EFR3A: variants seen among roughly 807,000 people sequenced by gnomAD.
The protein encoded by EFR3A is protein EFR3 homolog A.
A neutral mutation model predicts 104.4 loss-of-function variants in EFR3A; 76 were observed. That is an observed-to-expected ratio of 0.73 (90% CI 0.60 to 0.88). The LOEUF (loss-of-function observed/expected upper bound fraction) is 0.88, where lower values mean the gene tolerates loss of function less well. EFR3A is among the 40% of genes least tolerant of loss of function. The pLI is 0.00. For synonymous variants in EFR3A, 330 were observed against 330.0 expected, an observed-to-expected ratio of 1.00 and a Z score of 0.00; for missense variants, 985 against 1,012.5, an observed-to-expected ratio of 0.97 and a Z score of 0.37.
chr8:131,938,113 CT>C (rs995776668), intron 1 of EFR3A: 29 of 392,004 alleles, frequency 7.4e-5, no homozygotes, highest in African/African-American at 6.0e-4. Flanking sequence ...AGTTACAGTA[CT>C]TCTGTGCCCT....
At chr8:131,958,838 A>G (rs1819158900) in intron 7 of EFR3A, among the ~76,000 whole-genome samples, 1 of 152,162 alleles carries the variant, frequency 6.6e-6, no homozygotes. Flanking sequence ...CCACTTATCA[A>G]GTGCTGGCTG....
At chr8:131,973,188 C>G (rs1363767586) in intron 10 of EFR3A, among the ~76,000 whole-genome samples, 1 of 151,504 alleles carries the variant, frequency 6.6e-6, no homozygotes, top group Non-Finnish European at 1.5e-5. Flanking sequence ...TCATAAACTC[C>G]AACATTACCA....
At chr8:131,907,126 C>A (rs1285500535) in intron 1 of EFR3A, among the ~76,000 whole-genome samples, 1 of 152,124 alleles carries the variant, frequency 6.6e-6, no homozygotes, top group Non-Finnish European at 1.5e-5. Flanking sequence ...AATAGTTTAG[C>A]CTTTTTTTCC....
chr8:131,928,152 T>C, intron 1 of EFR3A, among the ~76,000 whole-genome samples: 1 of 152,146 alleles, frequency 6.6e-6, no homozygotes, highest in African/African-American at 2.4e-5. Context: ...AATTGATTGG[T>C]TGACTAGTCA....
intron 18 of EFR3A, among the ~76,000 whole-genome samples, chr8:131,994,343 T>G (rs1009157190): frequency 6.6e-6 from 1 of 152,136 alleles, no homozygotes; most frequent in Non-Finnish European, 1.5e-5. Flanking sequence ...CCCTACTGTT[T>G]TGGGGGAACA....
At chr8:131,923,311 T>A (rs1302820253) in intron 1 of EFR3A, among the ~76,000 whole-genome samples, 1 of 152,170 alleles carries the variant, frequency 6.6e-6, no homozygotes, top group Non-Finnish European at 1.5e-5. Context: ...ATAAGTGATT[T>A]GAGTTTTTGT....
intron 10 of EFR3A, among the ~76,000 whole-genome samples, chr8:131,974,753 A>G (rs1006148405): frequency 2.6e-5 from 4 of 152,206 alleles, no homozygotes; most frequent in Admixed American, 6.5e-5. Flanking sequence ...TGTTAAGGTT[A>G]TGAGATTTTT....
At chr8:131,975,412 A>ATT (rs5895119) in intron 10 of EFR3A, among the ~76,000 whole-genome samples, 17,403 of 110,884 alleles carry the variant, frequency 0.16, 2,126 homozygotes, top group East Asian at 0.29. Context: ...TTTTTTTCCT[A>ATT]TTTTTTTTTT....
At chr8:131,998,329 A>G (rs182719729) in intron 19 of EFR3A, among the ~76,000 whole-genome samples, 1 of 152,204 alleles carries the variant, frequency 6.6e-6, no homozygotes, top group Admixed American at 6.5e-5. Flanking sequence ...CATTGCTCAT[A>G]AAAAATAACT....
chr8:131,999,606 T>C (rs761331319), intron 19 of EFR3A, among the ~76,000 whole-genome samples: 9 of 152,252 alleles, frequency 5.9e-5, no homozygotes, highest in Non-Finnish European at 1.0e-4. Flanking sequence ...GATTATAGTT[T>C]AGTAGCTCAC....
At chr8:131,993,074 G>A (rs1199287996) in intron 18 of EFR3A, among the ~76,000 whole-genome samples, 8 of 152,082 alleles carry the variant, frequency 5.3e-5, no homozygotes, top group Middle Eastern at 3.2e-3. Flanking sequence ...AGGCCTATTG[G>A]CATCTAGTGC....
intron 1 of EFR3A, among the ~76,000 whole-genome samples, chr8:131,922,975 TA>T (rs1817122037): frequency 6.6e-6 from 1 of 152,210 alleles, no homozygotes; most frequent in Admixed American, 6.5e-5. Flanking sequence ...TGCTTATTAC[TA>T]ATAACACTTT....
intron 8 of EFR3A, among the ~76,000 whole-genome samples, chr8:131,962,718 C>T (rs1016344185): frequency 1.3e-5 from 2 of 152,164 alleles, no homozygotes; most frequent in Non-Finnish European, 2.9e-5. Flanking sequence ...ACCAAGTGGA[C>T]CTAATAGACA....
chr8:131,995,119 A>T (rs1821408575), intron 18 of EFR3A, among the ~76,000 whole-genome samples: 1 of 152,160 alleles, frequency 6.6e-6, no homozygotes, highest in Admixed American at 6.5e-5. Context: ...TATCTTTGAA[A>T]GACAGTGTAG....
At position 131,988,787 on chromosome 8, in the gene EFR3A, C is replaced by G. The variant is rs149855346; in HGVS notation, c.2065+1085C>G. On this transcript the variant is annotated intron_variant, in intron 18 of 22. Transcript: ENST00000254624. Reference sequence around the variant, plus strand: ...GCCTGCCTTTTCCCTTACCTGTCCTCTAGGAAAATAGCTTAATAAAATGTG... The same window carrying G: ...GCCTGCCTTTTCCCTTACCTGTCCTGTAGGAAAATAGCTTAATAAAATGTG... 3.9e-3 allele frequency among the ~76,000 whole-genome samples: 593 copies of G among 152,224 alleles called. 4 individuals carry two copies. The highest frequency in any genetic ancestry group is 0.013 in the African/African-American group (547 of 41,558).
At chr8:131,967,646 C>T (rs1819816625) in intron 8 of EFR3A, among the ~76,000 whole-genome samples, 1 of 149,242 alleles carries the variant, frequency 6.7e-6, no homozygotes, top group African/African-American at 2.5e-5. Context: ...TGATTTAGGC[C>T]CCAATATCAT....
At chr8:131,954,110 C>T (rs1818853365) in intron 6 of EFR3A, 143 bp downstream of exon 6, 1 of 815,832 alleles carries the variant, frequency 1.2e-6, no homozygotes, top group Admixed American at 3.7e-5. Context: ...ATGTACCTTT[C>T]TGAAAAAATT....
In EFR3A at chr8:131,991,783, G is replaced by A. The variant is rs1821197744; in HGVS notation, c.2065+4081G>A. Among the ~76,000 whole-genome samples, 4 of 152,102 alleles carry A rather than the reference G, an allele frequency of 2.6e-5. No individual in the cohort carries two copies. In the South Asian group the frequency reaches 8.3e-4, roughly 32 times the overall value. ...AAAGTCTCAAGAAAGTGAAAGGAAAGTAAGGTAATGTTGGAATGTGGGTGC... is the reference window on the plus strand; with the variant it reads ...AAAGTCTCAAGAAAGTGAAAGGAAAATAAGGTAATGTTGGAATGTGGGTGC... On this transcript the variant is annotated intron_variant, in intron 18 of 22. Coordinates refer to ENST00000254624, the MANE Select transcript of EFR3A (RefSeq NM_015137.6).
chr8:131,961,678 G>A (rs1014442280), intron 8 of EFR3A, among the ~76,000 whole-genome samples: 10 of 152,164 alleles, frequency 6.6e-5, no homozygotes, highest in African/African-American at 2.4e-4. Context: ...AGCAAGGCAG[G>A]CCAGCATTCA....
Sources: gnomAD v4.1 joint callset for allele counts (sites outside exome capture counted in the v4.1 genomes callset) on GRCh38, gnomAD v4.1.1 for gene constraint, MANE v1.5 for transcripts, NCBI Gene and HGNC (gene_info 2026-07-23, HGNC 2026-07-21) for gene names.